The following SPATA16 variants were observed in gnomAD, a reference collection of about 807,000 sequenced individuals.
SPATA16 encodes spermatogenesis associated 16.
Under a neutral mutation model 63.3 loss-of-function variants are expected in SPATA16, and 36 were observed. The observed-to-expected ratio is 0.57, with a 90% CI of 0.44 to 0.75. The LOEUF is 0.75. Among genes scored for constraint, SPATA16 ranks in the 30% least tolerant of loss-of-function variants. The pLI, the probability that SPATA16 is intolerant of heterozygous loss-of-function variation, is 0.00. For synonymous variants in SPATA16, 203 were observed against 216.7 expected, an observed-to-expected ratio of 0.94 and a Z score of 0.56; for missense variants, 646 against 679.3, an observed-to-expected ratio of 0.95 and a Z score of 0.54.
chr3:173,137,705 G>T (rs187825173), intron 1 of SPATA16, among the ~76,000 whole-genome samples: 1 of 151,934 alleles, frequency 6.6e-6, no homozygotes, highest in Non-Finnish European at 1.5e-5. Context: ...CTGAGAGATC[G>T]GAACTTTTGA....
chr3:172,984,834 A>C (rs1198474844), intron 4 of SPATA16, among the ~76,000 whole-genome samples: 1 of 152,230 alleles, frequency 6.6e-6, no homozygotes, highest in Non-Finnish European at 1.5e-5. Context: ...AAACAACGGT[A>C]CTACTACTGC....
chr3:172,996,609 C>T (rs1734698511), intron 4 of SPATA16, among the ~76,000 whole-genome samples: 1 of 152,108 alleles, frequency 6.6e-6, no homozygotes, highest in Non-Finnish European at 1.5e-5. Flanking sequence ...ACATCCCTCA[C>T]CAGAGTGGTA....
chr3:173,009,463 C>A (rs934854079), intron 4 of SPATA16, among the ~76,000 whole-genome samples: 1 of 152,234 alleles, frequency 6.6e-6, no homozygotes, highest in African/African-American at 2.4e-5. Flanking sequence ...GGTCTCCAGA[C>A]AGACACAGAG....
rs566305821 is a variant in SPATA16 at position 173,068,948 on chromosome 3, A to C, written c.613-19854T>G. ...ACACGGTGAAACCCCGTCTCTAATA[A>C]AAATACAAAAAATTAGCCGGGCGTG... On this transcript the variant is annotated intron_variant, in intron 2 of 10. Coordinates refer to ENST00000351008, the MANE Select transcript of SPATA16 (RefSeq NM_031955.6). Among the ~76,000 whole-genome samples the C allele has an allele frequency of 9.5e-4, 144 of 151,256 alleles. 2 individuals are homozygous for C. Among genetic ancestry groups the C allele is most frequent in the African/African-American group, 3.4e-3 (139 of 41,042 alleles).
chr3:173,053,368 T>G (rs796348198), intron 2 of SPATA16, among the ~76,000 whole-genome samples: 45 of 152,048 alleles, frequency 3.0e-4, no homozygotes, highest in African/African-American at 1.1e-3. Flanking sequence ...CAGACTGAGA[T>G]TCAGTCTCTA....
chr3:172,956,289 G>A (rs1375502690), intron 6 of SPATA16, among the ~76,000 whole-genome samples: 2 of 152,052 alleles, frequency 1.3e-5, no homozygotes, highest in Admixed American at 6.6e-5. Flanking sequence ...GAGATAGATG[G>A]GGGGATAAGT....
At chr3:173,120,857 C>A (rs1285181938) in intron 1 of SPATA16, among the ~76,000 whole-genome samples, 1 of 152,090 alleles carries the variant, frequency 6.6e-6, no homozygotes, top group African/African-American at 2.4e-5. Flanking sequence ...AAATAGGATT[C>A]TGAGTACTTC....
intron 2 of SPATA16, among the ~76,000 whole-genome samples, chr3:173,063,102 A>G (rs1736424235): frequency 6.6e-6 from 1 of 152,154 alleles, no homozygotes; most frequent in African/African-American, 2.4e-5. Context: ...TTTATGACCA[A>G]TTTATCCATG....
rs996064843 is a variant in SPATA16 at position 173,070,834 on chromosome 3, G to A, written c.613-21740C>T. Among the ~76,000 whole-genome samples the A allele has an allele frequency of 5.9e-5, 9 of 152,166 alleles. 1 individual carries two copies. The highest frequency in any genetic ancestry group is 1.4e-4 in the African/African-American group (6 of 41,430). ...AGAGGACACAAAACACCGGAAAGAT[G>A]TTCCATGTTCATGGTTTGGAACAAC... On this transcript the variant is annotated intron_variant, in intron 2 of 10. Transcript: ENST00000351008.
chr3:173,077,600 C>G (rs1736837212), intron 2 of SPATA16, among the ~76,000 whole-genome samples: 1 of 152,154 alleles, frequency 6.6e-6, no homozygotes. Flanking sequence ...TGCTAGAGAA[C>G]TAATCAGGAT....
At chr3:173,013,115 A>G (rs1735107913) in intron 4 of SPATA16, among the ~76,000 whole-genome samples, 1 of 152,320 alleles carries the variant, frequency 6.6e-6, no homozygotes, top group East Asian at 1.9e-4. Context: ...AAGAACATGA[A>G]CAGACACTTC....
chr3:172,987,293 T>G (rs1577119899), intron 4 of SPATA16, among the ~76,000 whole-genome samples: 1 of 151,934 alleles, frequency 6.6e-6, no homozygotes, highest in African/African-American at 2.4e-5. Context: ...TTCTCTGGAG[T>G]GTTGATGGTG....
chr3:173,014,038 A>T (rs962623288), intron 4 of SPATA16, among the ~76,000 whole-genome samples: 2 of 152,198 alleles, frequency 1.3e-5, no homozygotes, highest in Non-Finnish European at 2.9e-5. Flanking sequence ...CCTCAAAAGA[A>T]CTTAAAACAG....
chr3:172,917,856 A>C (rs1732529926), intron 8 of SPATA16, among the ~76,000 whole-genome samples: 1 of 152,214 alleles, frequency 6.6e-6, no homozygotes, highest in South Asian at 2.1e-4. Flanking sequence ...TCTTTTTGAA[A>C]GGCCACACTC....
At chr3:172,945,223 G>A (rs1733252351) in intron 6 of SPATA16, among the ~76,000 whole-genome samples, 1 of 152,116 alleles carries the variant, frequency 6.6e-6, no homozygotes, top group Non-Finnish European at 1.5e-5. Flanking sequence ...TCTGATTCTT[G>A]TAATCTCAGA....
intron 2 of SPATA16, among the ~76,000 whole-genome samples, chr3:173,055,713 G>A (rs1204977724): frequency 6.6e-6 from 1 of 152,144 alleles, no homozygotes; most frequent in Non-Finnish European, 1.5e-5. Flanking sequence ...TCATAAACTT[G>A]CACAGACATA....
intron 2 of SPATA16, among the ~76,000 whole-genome samples, chr3:173,068,843 G>T (rs527705866): frequency 1.4e-3 from 214 of 151,362 alleles, no homozygotes; most frequent in Non-Finnish European, 2.4e-3. Flanking sequence ...GGGCGTGGTG[G>T]CTCACGCCTG....
intron 9 of SPATA16, among the ~76,000 whole-genome samples, chr3:172,914,485 A>G (rs530691002): frequency 6.6e-6 from 1 of 152,300 alleles, no homozygotes; most frequent in Non-Finnish European, 1.5e-5. Flanking sequence ...GACCTTAGAT[A>G]ATCTTTCTTT....
chr3:172,990,877 A>G (rs1734560568), intron 4 of SPATA16, among the ~76,000 whole-genome samples: 1 of 152,162 alleles, frequency 6.6e-6, no homozygotes, highest in Non-Finnish European at 1.5e-5. Context: ...TTAGAGATCA[A>G]TGAAATCATC....
Sources: gnomAD v4.1 joint callset for allele counts (sites outside exome capture counted in the v4.1 genomes callset) on GRCh38, gnomAD v4.1.1 for gene constraint, MANE v1.5 for transcripts, NCBI Gene and HGNC (gene_info 2026-07-23, HGNC 2026-07-21) for gene names.